The following NADK2 variants were observed in gnomAD, a reference collection of about 807,000 sequenced individuals.
NADK2 encodes NAD kinase domain-containing protein 1, mitochondrial.
A neutral mutation model predicts 62.1 loss-of-function variants in NADK2; 35 were observed. That is an observed-to-expected ratio of 0.56 (90% CI 0.43 to 0.75). The LOEUF is 0.75. Among genes scored for constraint, NADK2 ranks in the 30% least tolerant of loss-of-function variants. The probability of loss-of-function intolerance (pLI) is 0.00; values close to 1 mark genes in which losing one functional copy is unlikely to be tolerated. For missense variants in NADK2, 439 were observed against 561.3 expected (o/e 0.78, Z 2.20); for synonymous variants, 205 against 207.9 (o/e 0.99, Z 0.12).
chr5:36,199,899 C>T (rs1257341741), intron 10 of NADK2, among the ~76,000 whole-genome samples: 1 of 152,012 alleles, frequency 6.6e-6, no homozygotes, highest in African/African-American at 2.4e-5. Context: ...TGAATTCCAT[C>T]TCATTCAGAG....
At position 36,222,255 on chromosome 5, in the gene NADK2, G is replaced by A. The variant is rs145592494; in HGVS notation, c.561-2576C>T. Among the ~76,000 whole-genome samples the A allele has an allele frequency of 2.7e-3, 406 of 152,208 alleles. 2 individuals are homozygous for A. Among genetic ancestry groups the A allele is most frequent in the Middle Eastern group, 0.017 (5 of 292 alleles). On this transcript the variant is annotated intron_variant, in intron 4 of 11. Transcript: ENST00000381937. ...AAAAGCACATACAAAGGCATGGGTG[G>A]GTGGGTTAGGGGGACATAGGCCTTC...
At position 36,203,508 on chromosome 5, in the gene NADK2, A is replaced by T. The variant is rs1746522044; in HGVS notation, c.957-2347T>A. 2.0e-5 allele frequency among the ~76,000 whole-genome samples: 3 copies of T among 152,200 alleles called. No individual in the cohort carries two copies. The South Asian group carries it at 6.2e-4, about 31-fold the overall frequency. ...GGGCTTGGTAGAGAAGAGACTGAGC[A>T]ACGAAGGTGTCAGGGATAGGATATA... On this transcript the variant is annotated intron_variant, in intron 8 of 11. Transcript: ENST00000381937.
intron 5 of NADK2, among the ~76,000 whole-genome samples, chr5:36,218,501 A>G (rs1747133727): frequency 1.3e-5 from 2 of 152,230 alleles, no homozygotes; most frequent in South Asian, 2.1e-4. Flanking sequence ...ATATACTTCC[A>G]CTTGGTAGCT....
chr5:36,232,960 C>G (rs1028144605), intron 1 of NADK2, among the ~76,000 whole-genome samples: 3 of 152,304 alleles, frequency 2.0e-5, no homozygotes, highest in Non-Finnish European at 4.4e-5. Context: ...TATACTCCCC[C>G]TCAAATCTGC....
chr5:36,241,211 G>GC lies in NADK2; in HGVS notation c.300+287dup. The GC allele has an allele frequency of 2.9e-6, 1 of 340,518 alleles. No individual in the cohort carries two copies. The highest frequency in any genetic ancestry group is 5.0e-6 in the Non-Finnish European group (1 of 201,542). 21.1% of individuals were successfully genotyped at this position (340,518 alleles called of 1,614,324 possible). A position where few individuals can be genotyped will look rare whatever the true frequency, so the allele number is the denominator to read the frequency against. On this transcript the variant is annotated intron_variant, in intron 1 of 11. Coordinates refer to ENST00000381937, the MANE Select transcript of NADK2 (RefSeq NM_001085411.3). The surrounding 1 kb of genome is among the most constrained non-coding windows in gnomAD (Gnocchi z 4.9). ...AAACCCCTCACTCTGAGGCCACTCG[G>GC]CAGCCCCTCTTCGCCCTCCCCGCGG...
intron 9 of NADK2, 112 bp downstream of exon 9, chr5:36,200,994 T>G (rs1430417230): frequency 2.5e-6 from 2 of 788,058 alleles, no homozygotes; most frequent in Non-Finnish European, 4.2e-6. Flanking sequence ...AAGAAATTAA[T>G]GCATAGTATA....
intron 1 of NADK2, among the ~76,000 whole-genome samples, chr5:36,228,620 TG>T (rs1452056409): frequency 6.4e-4 from 32 of 50,216 alleles, no homozygotes; most frequent in Admixed American, 1.1e-3. Flanking sequence ...TGTCTAGACA[TG>T]ATTTTTTTTT....
rs1487581893 is a variant in NADK2 at position 36,217,843 on chromosome 5, G to C, written c.686C>G (p.Thr229Ser). 1.9e-6 allele frequency: 3 copies of C among 1,613,796 alleles called. No individual in the cohort carries two copies. The highest frequency in any genetic ancestry group is 2.5e-6 in the Non-Finnish European group (3 of 1,179,880). The change falls in exon 6 of 12, where the codon ACT (threonine) becomes AGT (serine). Residue 229 changes from threonine to serine, a missense_variant. Physicochemically the swap from Thr to Ser is moderately conservative, Grantham distance 58 (BLOSUM62 1). Transcript: ENST00000381937. ...RQRIRLYLEG[T>S]GINPVPVDLH... The stretch of plus-strand genomic sequence containing the variant: ...GTCCACAGGTACAGGGTTTATGCCA[G>C]TCCCTTCAAGGTATAACCTGATTCT...
At chr5:36,215,190 G>C (rs1746996821) in intron 6 of NADK2, among the ~76,000 whole-genome samples, 2 of 152,140 alleles carry the variant, frequency 1.3e-5, no homozygotes. Context: ...GTAGCTGTTT[G>C]TATTCTGACA....
intron 10 of NADK2, among the ~76,000 whole-genome samples, chr5:36,198,207 G>A (rs1052079298): frequency 6.6e-6 from 1 of 151,864 alleles, no homozygotes; most frequent in African/African-American, 2.4e-5. Context: ...GGTACAGGAG[G>A]GCTGGAATAC....
intron 10 of NADK2, among the ~76,000 whole-genome samples, chr5:36,199,124 C>T (rs556255436): frequency 2.2e-4 from 33 of 151,900 alleles, no homozygotes; most frequent in Non-Finnish European, 4.6e-4. Context: ...ATGGGTGCAG[C>T]ACACCAACAT....
intron 4 of NADK2, among the ~76,000 whole-genome samples, chr5:36,224,738 A>C (rs183926548): frequency 6.6e-6 from 1 of 152,130 alleles, no homozygotes; most frequent in African/African-American, 2.4e-5. Context: ...GAGTGGAATT[A>C]ATTAGGATTG....
intron 6 of NADK2, among the ~76,000 whole-genome samples, chr5:36,216,461 C>A (rs1461642262): frequency 6.6e-6 from 1 of 151,958 alleles, no homozygotes; most frequent in Admixed American, 6.6e-5. Context: ...GTTGCCTGTG[C>A]TTTTGAAGTC....
intron 6 of NADK2, among the ~76,000 whole-genome samples, chr5:36,216,412 C>T (rs1747044464): frequency 6.6e-6 from 1 of 152,114 alleles, no homozygotes; most frequent in South Asian, 2.1e-4. Flanking sequence ...TATACAGAAG[C>T]TTTTGTTTAA....
intron 4 of NADK2, among the ~76,000 whole-genome samples, 164 bp from the exon 5 acceptor site, chr5:36,219,843 A>G (rs1747198667): frequency 6.6e-6 from 1 of 152,230 alleles, no homozygotes; most frequent in Non-Finnish European, 1.5e-5. Flanking sequence ...TGTTCTTTAA[A>G]TAAAAACAAA....
chr5:36,197,420 T>C (rs1579593091), intron 11 of NADK2, 121 bp downstream of exon 11: 1 of 1,312,778 alleles, frequency 7.6e-7, no homozygotes, highest in East Asian at 2.4e-5. Context: ...AGGTTCTACT[T>C]TTCCTGCTAG....
chr5:36,220,235 C>T (rs6872093), intron 4 of NADK2, among the ~76,000 whole-genome samples: 8,922 of 152,182 alleles, frequency 0.059, 570 homozygotes, highest in South Asian at 0.22. Flanking sequence ...AAAGCTTAAT[C>T]CAATGTAATC....
intron 1 of NADK2, among the ~76,000 whole-genome samples, chr5:36,235,411 T>C (rs191543758): frequency 6.6e-6 from 1 of 152,186 alleles, no homozygotes; most frequent in African/African-American, 2.4e-5. Context: ...AGTTAAATTA[T>C]GTAAATTGTA....
chr5:36,226,669 T>G (rs151252024), intron 2 of NADK2, 106 bp from the exon 3 acceptor site: 2 of 707,852 alleles, frequency 2.8e-6, no homozygotes, highest in Non-Finnish European at 4.6e-6. Context: ...TAAAATAAAT[T>G]TGTGTCTTAT....
Sources: gnomAD v4.1 joint callset for allele counts (sites outside exome capture counted in the v4.1 genomes callset) on GRCh38, gnomAD v4.1.1 for gene constraint, Gnocchi (gnomAD v3.1) non-coding constraint, MANE v1.5 for transcripts, NCBI Gene and HGNC (gene_info 2026-07-23, HGNC 2026-07-21) for gene names.